APC: variants seen among roughly 807,000 people sequenced by gnomAD.
APC encodes the protein adenomatous polyposis coli protein.
Under a neutral mutation model 247.0 loss-of-function variants are expected in APC, and 72 were observed. That is an observed-to-expected ratio of 0.29 (90% CI 0.24 to 0.35). The LOEUF (loss-of-function observed/expected upper bound fraction) is 0.35, where lower values mean the gene tolerates loss of function less well. Among genes scored for constraint, APC ranks in the 10% least tolerant of loss-of-function variants. The pLI, the probability that APC is intolerant of heterozygous loss-of-function variation, is 1.00. For missense variants in APC, 3,400 were observed against 3,360.7 expected, an observed-to-expected ratio of 1.01 and a Z score of -0.29; for synonymous variants, 1,254 against 1,162.5, an observed-to-expected ratio of 1.08 and a Z score of -1.60.
intron 8 of APC, 100 bp downstream of exon 8, chr5:112,801,483 T>C: frequency 1.1e-6 from 1 of 911,546 alleles, no homozygotes; most frequent in Non-Finnish European, 1.7e-6. Context: ...TTACCTATTT[T>C]CTTAGTCCTG....
At chr5:112,786,517 C>T (rs556916125) in intron 6 of APC, among the ~76,000 whole-genome samples, 1 of 152,228 alleles carries the variant, frequency 6.6e-6, no homozygotes, top group Admixed American at 6.5e-5. Context: ...TGGAAAAGTG[C>T]ACATCAGTTT....
At chr5:112,727,538 G>A (rs114814825) in intron 1 of APC, among the ~76,000 whole-genome samples, 176 of 152,098 alleles carry the variant, frequency 1.2e-3, no homozygotes, top group African/African-American at 4.2e-3. Flanking sequence ...TTTAACATCA[G>A]TATTGAGATT....
chr5:112,732,659 T>C (rs1752157532), intron 1 of APC, among the ~76,000 whole-genome samples: 1 of 152,182 alleles, frequency 6.6e-6, no homozygotes, highest in Admixed American at 6.5e-5. Context: ...CCATGAGATA[T>C]GAGACAAAAT....
At chr5:112,728,291 C>T (rs1751910141) in intron 1 of APC, among the ~76,000 whole-genome samples, 1 of 152,052 alleles carries the variant, frequency 6.6e-6, no homozygotes, top group Non-Finnish European at 1.5e-5. Flanking sequence ...CCATGCCTGC[C>T]TATTGTTTTT....
chr5:112,795,206 T>C (rs1379598645), intron 7 of APC, among the ~76,000 whole-genome samples: 1 of 152,056 alleles, frequency 6.6e-6, no homozygotes. Context: ...TTTTGTATTT[T>C]TAGTAGAGAT....
chr5:112,819,159 G>T lies in APC; in HGVS notation c.1127G>T (p.Ser376Ile). The T allele has an allele frequency of 6.2e-7, 1 of 1,614,054 alleles. No individual in the cohort carries two copies. Among genetic ancestry groups the T allele is most frequent in the Non-Finnish European group, 8.5e-7 (1 of 1,179,990 alleles). The change falls in exon 10 of 16, where the codon AGT (serine) becomes ATT (isoleucine). Residue 376 changes from serine to isoleucine, a missense_variant. By Grantham distance (142) the Ser-to-Ile change is moderately radical (BLOSUM62 -2). Coordinates refer to ENST00000257430, the MANE Select transcript of APC (RefSeq NM_000038.6). ...GTATTGTTGGGAAATTCCCGGGGCA[G>T]TAAAGAGGCTCGGGCCAGGGCCAGT... ...DSVLLGNSRG[S>I]KEARARASAA...
At chr5:112,712,742 C>G (rs941457957) in intron 1 of APC, among the ~76,000 whole-genome samples, 1 of 152,158 alleles carries the variant, frequency 6.6e-6, no homozygotes. Flanking sequence ...CTAACTACCT[C>G]TCTCTCAACA....
At chr5:112,713,486 G>A (rs1750980857) in intron 1 of APC, among the ~76,000 whole-genome samples, 1 of 152,066 alleles carries the variant, frequency 6.6e-6, no homozygotes, top group Admixed American at 6.6e-5. Flanking sequence ...GAGGAGGCTG[G>A]GAAAATGAAT....
chr5:112,739,413 A>G (rs1026910581), intron 1 of APC, among the ~76,000 whole-genome samples: 1 of 152,214 alleles, frequency 6.6e-6, no homozygotes, highest in South Asian at 2.1e-4. Flanking sequence ...AAGATGACCT[A>G]TTATATTGTT....
chr5:112,715,360 A>C (rs984769433), intron 1 of APC, among the ~76,000 whole-genome samples: 1 of 152,188 alleles, frequency 6.6e-6, no homozygotes, highest in Non-Finnish European at 1.5e-5. Context: ...AACATCAGGT[A>C]GTATATAGAT....
chr5:112,841,814 G>A lies in APC; in HGVS notation c.6220G>A (p.Glu2074Lys), dbSNP rs1064794081. 4 of 1,614,004 alleles carry A rather than the reference G, an allele frequency of 2.5e-6. No individual in the cohort carries two copies. Among genetic ancestry groups the A allele is most frequent in the South Asian group, 1.1e-5 (1 of 91,076 alleles). ...SPRNMGGILG[E>K]DLTLDLKDIQ... ...CAGAAATATGGGTGGCATATTAGGTGAAGATCTGACACTTGATTTGAAAGA... is the reference window on the plus strand; with the variant it reads ...CAGAAATATGGGTGGCATATTAGGTAAAGATCTGACACTTGATTTGAAAGA... The change falls in exon 16 of 16, where the codon GAA becomes AAA. Residue 2074 changes from glutamate (E) to lysine (K), a missense_variant. This residue lies in a region of APC where 1,788 missense variants were observed against 1,649.5 expected (regional missense o/e 1.08). Coordinates refer to ENST00000257430, the MANE Select transcript of APC (RefSeq NM_000038.6). This position sits in a 1 kb window ranked among gnomAD's most constrained non-coding sequence, Gnocchi z 4.6.
At chr5:112,735,085 A>T (rs1007065127), upstream of APC, among the ~76,000 whole-genome samples, 6 of 152,196 alleles carry the variant, frequency 3.9e-5, no homozygotes, top group Non-Finnish European at 7.3e-5. Flanking sequence ...GAAGCTGGTT[A>T]TAACAAACAC....
chr5:112,772,837 T>A (rs1757212255), intron 4 of APC, among the ~76,000 whole-genome samples: 1 of 152,222 alleles, frequency 6.6e-6, no homozygotes, highest in South Asian at 2.1e-4. Context: ...TTTCATAAGT[T>A]CATTTATTAG....
intron 1 of APC, among the ~76,000 whole-genome samples, chr5:112,710,937 T>C (rs1381873207): frequency 6.6e-6 from 1 of 152,232 alleles, no homozygotes; most frequent in Non-Finnish European, 1.5e-5. Flanking sequence ...GCTTCTGTGC[T>C]TTGCACTCGT....
rs765215625 is a variant in APC at position 112,840,492 on chromosome 5, C to A, written c.4898C>A (p.Thr1633Lys). ...RLQPQKHVSF[T>K]PGDDMPRVYC... ...CAACCCCAAAAGCATGTTAGTTTTA[C>A]ACCGGGGGATGATATGCCACGGGTG... The change falls in exon 16 of 16, where the codon ACA (threonine) becomes AAA (lysine). Residue 1633 changes from threonine (T) to lysine (K), a missense_variant. Around this residue, in one of 9 missense-constraint regions of APC, gnomAD observed 1,788 missense variants for 1,649.5 expected, o/e 1.08. Transcript: ENST00000257430. This position sits in a 1 kb window ranked among gnomAD's most constrained non-coding sequence, Gnocchi z 4.1. 6.2e-7 allele frequency: 1 copy of A among 1,614,156 alleles called. No individual in the cohort carries two copies. The highest frequency in any genetic ancestry group is 8.5e-7 in the Non-Finnish European group (1 of 1,180,016).
chr5:112,772,483 G>A (rs1032637901), intron 4 of APC, among the ~76,000 whole-genome samples: 1 of 150,978 alleles, frequency 6.6e-6, no homozygotes, highest in African/African-American at 2.4e-5. Context: ...ACTGACATTG[G>A]CCTGTCAATT....
At chr5:112,799,831 C>A (rs549015062) in intron 7 of APC, among the ~76,000 whole-genome samples, 1 of 152,242 alleles carries the variant, frequency 6.6e-6, no homozygotes, top group African/African-American at 2.4e-5. Context: ...CACACTCCCT[C>A]CTACCCTGGG....
intron 6 of APC, among the ~76,000 whole-genome samples, chr5:112,787,987 T>C (rs548244703): frequency 6.6e-6 from 1 of 152,330 alleles, no homozygotes; most frequent in Non-Finnish European, 1.5e-5. Context: ...TATATAGTTA[T>C]GTATAGTCAT....
intron 4 of APC, among the ~76,000 whole-genome samples, chr5:112,767,626 G>A (rs879637600): frequency 2.4e-4 from 36 of 152,000 alleles, no homozygotes; most frequent in Admixed American, 2.1e-3. Flanking sequence ...TTGTTTTTTT[G>A]TTTGTTTTTT....
Sources: allele counts gnomAD v4.1 joint callset (sites outside exome capture counted in the v4.1 genomes callset), GRCh38; gene constraint gnomAD v4.1.1; regional missense constraint gnomAD v4.1.1; non-coding constraint Gnocchi (gnomAD v3.1); transcripts MANE v1.5; gene names NCBI Gene and HGNC (gene_info 2026-07-23, HGNC 2026-07-21).